VSIG8: variants seen among roughly 807,000 people sequenced by gnomAD.
The protein encoded by VSIG8 is V-set and immunoglobulin domain-containing protein 8.
In VSIG8, 32 loss-of-function variants were observed where a neutral mutation model predicts 42.6. That is an observed-to-expected ratio of 0.75 (90% CI 0.57 to 1.01). VSIG8 has a LOEUF of 1.01. VSIG8 is among the 50% of genes least tolerant of loss of function. The pLI is 0.00. For synonymous variants in VSIG8, 290 were observed against 243.8 expected, an observed-to-expected ratio of 1.19 and a Z score of -1.77; for missense variants, 529 against 558.0, an observed-to-expected ratio of 0.95 and a Z score of 0.52.
intron 4 of VSIG8, 23 bp from the exon 5 acceptor site, chr1:159,856,666 C>G: frequency 6.2e-7 from 1 of 1,611,402 alleles, no homozygotes; most frequent in Non-Finnish European, 8.5e-7. Context: ...TGGAGAGAGG[C>G]CTGGTCTCTG....
In VSIG8 at chr1:159,854,465, G is replaced by T. The variant is rs1283391233; in HGVS notation, c.*288C>A. 7 of 372,212 alleles carry T rather than the reference G, an allele frequency of 1.9e-5. No homozygotes were observed. In the Admixed American group the frequency reaches 3.4e-4, roughly 18 times the overall value. 23.1% of individuals were successfully genotyped at this position (372,212 alleles called of 1,614,324 possible). A position where few individuals can be genotyped will look rare whatever the true frequency, so the allele number is the denominator to read the frequency against. ...GGACACCAGGCCTCCGGCCTCAGCCGCTCTAGGACACTCAGCCTCCTCCTC... is the reference window on the plus strand; with the variant it reads ...GGACACCAGGCCTCCGGCCTCAGCCTCTCTAGGACACTCAGCCTCCTCCTC... On this transcript the variant is annotated 3_prime_UTR_variant, in exon 7 of 7. Coordinates refer to ENST00000368100, the MANE Select transcript of VSIG8 (RefSeq NM_001013661.1).
Position 159,854,861 on chromosome 1 carries a change from G to T in VSIG8, c.1137C>A (p.Ala379=). The change falls in exon 7 of 7, where the codon GCC becomes GCA. Residue 379 remains alanine, a synonymous_variant. Transcript: ENST00000368100. ...EDVALAPCTA[A]AACEAGPSPV... ...GGGAGGGGCCCGCTTCGCAGGCGGC[G>T]GCGGCGGTGCAGGGCGCCAGGGCCA... The T allele has an allele frequency of 6.8e-7, 1 of 1,475,302 alleles. No homozygotes were observed. The highest frequency in any genetic ancestry group is 8.9e-7 in the Non-Finnish European group (1 of 1,122,636). 91.4% of individuals were successfully genotyped at this position (1,475,302 alleles called of 1,614,324 possible). A position where few individuals can be genotyped will look rare whatever the true frequency, so the allele number is the denominator to read the frequency against.
At chr1:159,859,553 T>C (rs1015637933) in intron 1 of VSIG8, among the ~76,000 whole-genome samples, 1 of 152,192 alleles carries the variant, frequency 6.6e-6, no homozygotes, top group Admixed American at 6.5e-5. Context: ...TGTGGTTTTG[T>C]ATAGTGATGT....
intron 1 of VSIG8, among the ~76,000 whole-genome samples, 189 bp from the exon 2 acceptor site, chr1:159,859,101 G>C (rs568613919): frequency 6.6e-6 from 1 of 152,226 alleles, no homozygotes; most frequent in South Asian, 2.1e-4. Context: ...GCATATAACA[G>C]CTATACATAT....
At position 159,858,754 on chromosome 1, in the gene VSIG8, C is replaced by G; in HGVS notation, c.208G>C (p.Ala70Pro). 1 of 1,612,106 alleles carries G rather than the reference C, an allele frequency of 6.2e-7. No homozygotes were observed. Among genetic ancestry groups the G allele is most frequent in the Non-Finnish European group, 8.5e-7 (1 of 1,179,260 alleles). Reference sequence around the variant, plus strand: ...CTCACCACGTTCTCTCGGTGGTGGGCGGGGTCTGAGTTGACCTGCATCCAC... The same window carrying G: ...CTCACCACGTTCTCTCGGTGGTGGGGGGGGTCTGAGTTGACCTGCATCCAC... ...IEWMQVNSDPAHHRENVFLSY... is the reference protein window; with the variant it reads ...IEWMQVNSDPPHHRENVFLSY... Residue 70 changes from alanine (A) to proline (P), a missense_variant, in exon 2 of 7, where the codon GCC becomes CCC. Ala to Pro is a conservative substitution (Grantham distance 27, BLOSUM62 -1). Coordinates refer to ENST00000368100, the MANE Select transcript of VSIG8 (RefSeq NM_001013661.1).
chr1:159,854,832 A>G lies in VSIG8; in HGVS notation c.1166T>C (p.Val389Ala). 6.7e-7 allele frequency: 1 copy of G among 1,494,750 alleles called. No homozygotes were observed. Among genetic ancestry groups the G allele is most frequent in the Non-Finnish European group, 8.8e-7 (1 of 1,129,992 alleles). 92.6% of individuals were successfully genotyped at this position (1,494,750 alleles called of 1,614,324 possible). The change falls in exon 7 of 7, where the codon GTC becomes GCC. Residue 389 changes from valine to alanine, a missense_variant. Transcript: ENST00000368100. ...AAACEAGPSP[V>A]YVKVKSAEPA... Reference sequence around the variant, plus strand: ...CTCCGCGCTCTTGACCTTGACGTAGACCGGGGAGGGGCCCGCTTCGCAGGC... The same window carrying G: ...CTCCGCGCTCTTGACCTTGACGTAGGCCGGGGAGGGGCCCGCTTCGCAGGC...
intron 1 of VSIG8, 25 bp from the exon 2 acceptor site, chr1:159,858,937 G>A (rs766964174): frequency 2.5e-6 from 4 of 1,604,768 alleles, no homozygotes; most frequent in African/African-American, 1.3e-5. Flanking sequence ...GAGAAGATGG[G>A]GTGGTAGGAG....
chr1:159,854,636 C>A lies in VSIG8; in HGVS notation c.*117G>T. 2 of 1,341,042 alleles carry A rather than the reference C, an allele frequency of 1.5e-6. No homozygotes were observed. The highest frequency in any genetic ancestry group is 1.8e-5 in the South Asian group (1 of 54,244). 83.1% of individuals were successfully genotyped at this position (1,341,042 alleles called of 1,614,324 possible). A position where few individuals can be genotyped will look rare whatever the true frequency, so the allele number is the denominator to read the frequency against. On this transcript the variant is annotated 3_prime_UTR_variant, in exon 7 of 7. Coordinates refer to ENST00000368100, the MANE Select transcript of VSIG8 (RefSeq NM_001013661.1). ...CTTAGGGAAATGCCTTCACCCCCAG[C>A]CGCCTGGCAGCCTGGGGCGAGCGAG...
chr1:159,856,909 G>T (rs115007925), intron 4 of VSIG8, among the ~76,000 whole-genome samples: 1 of 152,142 alleles, frequency 6.6e-6, no homozygotes, highest in Non-Finnish European at 1.5e-5. Flanking sequence ...AAATATGTAC[G>T]CTCTCTGAGC....
intron 4 of VSIG8, 49 bp downstream of exon 4, chr1:159,857,696 C>A (rs1304399480): frequency 3.3e-6 from 5 of 1,525,762 alleles, no homozygotes; most frequent in South Asian, 1.2e-5. Context: ...GTCCCAGAGT[C>A]CCTGATCTTC....
chr1:159,854,385 T>G lies in VSIG8; in HGVS notation c.*368A>C. On this transcript the variant is annotated 3_prime_UTR_variant, in exon 7 of 7. Transcript: ENST00000368100. The stretch of plus-strand genomic sequence containing the variant: ...AGCTCAGACCTCACACACAGAACAA[T>G]TCGTCCAGACAGACCCCCACCCACC... The G allele has an allele frequency of 4.1e-6, 1 of 246,140 alleles. No individual in the cohort carries two copies. Among genetic ancestry groups the G allele is most frequent in the Non-Finnish European group, 7.8e-6 (1 of 128,974 alleles). 15.2% of individuals were successfully genotyped at this position (246,140 alleles called of 1,614,324 possible). A position where few individuals can be genotyped will look rare whatever the true frequency, so the allele number is the denominator to read the frequency against.
chr1:159,854,814 C>T lies in VSIG8; in HGVS notation c.1184G>A (p.Ser395Asn). ...GPSPVYVKVK[S>N]AEPADCAEGP... The stretch of plus-strand genomic sequence containing the variant: ...CTCGGCGCAGTCAGCCGGCTCCGCG[C>T]TCTTGACCTTGACGTAGACCGGGGA... Residue 395 changes from serine to asparagine, a missense_variant, in exon 7 of 7, where the codon AGC becomes AAC. Transcript: ENST00000368100. The T allele has an allele frequency of 1.3e-6, 2 of 1,503,628 alleles. No homozygotes were observed. The highest frequency in any genetic ancestry group is 1.8e-6 in the Non-Finnish European group (2 of 1,133,630). The allele number at this position is 1,503,628 out of a possible 1,614,324, so 93.1% of individuals were successfully genotyped here.
Position 159,858,181 on chromosome 1 carries a change from G to A in VSIG8, c.339C>T (p.Leu113=), listed in dbSNP as rs1368016255. The change falls in exon 3 of 7, where the codon CTC becomes CTT. Residue 113 remains leucine, a synonymous_variant. Coordinates refer to ENST00000368100, the MANE Select transcript of VSIG8 (RefSeq NM_001013661.1). The part of the protein sequence containing the change: ...DPSQYDASIN[L]MNLQVSDTAT... The stretch of plus-strand genomic sequence containing the variant: ...CTGTATCAGATACCTGCAGGTTCAT[G>A]AGGTTGATGGAGGCATCGTACTGGC... 11 of 1,614,248 alleles carry A rather than the reference G, an allele frequency of 6.8e-6. No individual in the cohort carries two copies. Among genetic ancestry groups the A allele is most frequent in the Non-Finnish European group, 9.3e-6 (11 of 1,180,038 alleles).
At chr1:159,857,135 A>G (rs1648859910) in intron 4 of VSIG8, among the ~76,000 whole-genome samples, 1 of 152,206 alleles carries the variant, frequency 6.6e-6, no homozygotes, top group Admixed American at 6.5e-5. Flanking sequence ...AGGCACAGGG[A>G]GGGTAAGCCA....
chr1:159,855,787 G>T (rs1648797429), intron 6 of VSIG8, 96 bp downstream of exon 6: 3 of 1,435,374 alleles, frequency 2.1e-6, no homozygotes, highest in South Asian at 3.0e-5. Context: ...CAGGGTTGGG[G>T]TGGGGGGCCC....
intron 4 of VSIG8, among the ~76,000 whole-genome samples, chr1:159,856,896 GGGAAATATGTACGCTCTCTGAGCCTT>G (rs1460774850): frequency 6.6e-6 from 1 of 152,194 alleles, no homozygotes; most frequent in Non-Finnish European, 1.5e-5. Context: ...TCTGACCTTA[GGGAAATATGTACGCTCTCTGAGCCTT>G]GGTCTCCTCC....
intron 1 of VSIG8, chr1:159,860,612 G>C (rs985967081): frequency 3.3e-5 from 5 of 152,266 alleles, no homozygotes; most frequent in African/African-American, 1.2e-4. Context: ...CTGACTGCTG[G>C]GGCTCTAACG....
chr1:159,857,397 A>T lies in VSIG8; in HGVS notation c.652+348T>A, dbSNP rs146031578. On this transcript the variant is annotated intron_variant, in intron 4 of 6. Coordinates refer to ENST00000368100, the MANE Select transcript of VSIG8 (RefSeq NM_001013661.1). ...GAGACCAGCCTGGCTAACATGGTAA[A>T]ACCCCGTTTCTACTAAAAATACAAA... 8.5e-3 allele frequency among the ~76,000 whole-genome samples: 1,300 copies of T among 152,146 alleles called. 19 individuals are homozygous for T. Among genetic ancestry groups the T allele is most frequent in the African/African-American group, 0.03 (1,230 of 41,488 alleles).
chr1:159,856,208 G>C, intron 5 of VSIG8, 127 bp from the exon 6 acceptor site: 1 of 957,390 alleles, frequency 1.0e-6, no homozygotes, highest in South Asian at 1.7e-5. Flanking sequence ...GGGTCTCTTA[G>C]CCCTGGAACA....
Sources: allele counts gnomAD v4.1 joint callset (sites outside exome capture counted in the v4.1 genomes callset), GRCh38; gene constraint gnomAD v4.1.1; transcripts MANE v1.5; gene names NCBI Gene and HGNC (gene_info 2026-07-23, HGNC 2026-07-21).